CLPP: variants seen among roughly 807,000 people sequenced by gnomAD.
CLPP encodes the protein caseinolytic mitochondrial matrix peptidase proteolytic subunit.
CLPP carries 14 observed loss-of-function variants against 27.4 expected under a neutral mutation model. The ratio of observed to expected loss-of-function variants is 0.51; its 90% CI spans 0.34 to 0.80. The LOEUF is 0.80. CLPP is among the 30% of genes least tolerant of loss of function. The probability of loss-of-function intolerance (pLI) is 0.02; values close to 1 mark genes in which losing one functional copy is unlikely to be tolerated. For missense variants in CLPP, 361 were observed against 403.6 expected, an observed-to-expected ratio of 0.89 and a Z score of 0.90; for synonymous variants, 193 against 166.6, an observed-to-expected ratio of 1.16 and a Z score of -1.22.
chr19:6,361,827 G>T, intron 1 of CLPP, 42 bp from the exon 2 acceptor site: 1 of 1,441,500 alleles, frequency 6.9e-7, no homozygotes, highest in Non-Finnish European at 9.0e-7. Context: ...GTGGGGATCG[G>T]CTGGCTGCCC....
At chr19:6,362,244 G>A in intron 2 of CLPP, 2 of 569,206 alleles carry the variant, frequency 3.5e-6, no homozygotes, top group Non-Finnish European at 6.2e-6. Context: ...CTAGCCCCCT[G>A]ACTCCCCCCT....
chr19:6,362,009 C>T, intron 2 of CLPP, 69 bp downstream of exon 2: 5 of 1,410,920 alleles, frequency 3.5e-6, no homozygotes, highest in South Asian at 1.2e-5. Flanking sequence ...CTGCGCCCCT[C>T]CTTCCCTGGC....
At position 6,362,541 on chromosome 19, in the gene CLPP, T is replaced by C. The variant is rs984695973; in HGVS notation, c.366T>C (p.Pro122=). ...CCATCCACATGTACATCAACAGCCC[T>C]GGTGAGCAGGGTCTTTCCTGGGTGC... The part of the protein sequence containing the change: ...KKPIHMYINS[P]GGVVTAGLAI... The change falls in exon 3 of 6, where the codon CCT becomes CCC. Residue 122 remains proline (P), a splice_region_variant and synonymous_variant. Coordinates refer to ENST00000245816, the MANE Select transcript of CLPP (RefSeq NM_006012.4). 5 of 1,610,550 alleles carry C rather than the reference T, an allele frequency of 3.1e-6. No homozygotes were observed. The highest frequency in any genetic ancestry group is 4.2e-6 in the Non-Finnish European group (5 of 1,176,942).
Position 6,361,876 on chromosome 19 carries a change from G to T in CLPP, c.206G>T (p.Gly69Val). 1 of 1,598,590 alleles carries T rather than the reference G, an allele frequency of 6.3e-7. No individual in the cohort carries two copies. Among genetic ancestry groups the T allele is most frequent in the Non-Finnish European group, 8.5e-7 (1 of 1,179,384 alleles). ...CCATCTTTCTACCCCCAGGGTCGCG[G>T]CGAGCGCGCCTATGACATCTACTCG... ...IPIVVEQTGR[G>V]ERAYDIYSRL... The change falls in exon 2 of 6, where the codon GGC (glycine) becomes GTC (valine). Residue 69 changes from glycine (G) to valine (V), a missense_variant. Transcript: ENST00000245816.
At chr19:6,363,301 G>C (rs1035464808) in intron 3 of CLPP, among the ~76,000 whole-genome samples, 1 of 151,788 alleles carries the variant, frequency 6.6e-6, no homozygotes, top group African/African-American at 2.4e-5. Flanking sequence ...CTAATTTTTT[G>C]TATTTCGTAG....
chr19:6,364,727 G>A lies in CLPP; in HGVS notation c.555+88G>A, dbSNP rs2091853631. The A allele has an allele frequency of 1.3e-5, 17 of 1,279,220 alleles. No homozygotes were observed. In the East Asian group the frequency reaches 4.3e-4, roughly 32 times the overall value. 79.2% of individuals were successfully genotyped at this position (1,279,220 alleles called of 1,614,324 possible). A position where few individuals can be genotyped will look rare whatever the true frequency, so the allele number is the denominator to read the frequency against. ...CTGGGCGGAAGTCAAGCGTGGGAGG[G>A]GATGTTTTTTTTTTTTTTTGAGATG... On this transcript the variant is annotated intron_variant, in intron 4 of 5. Coordinates refer to ENST00000245816, the MANE Select transcript of CLPP (RefSeq NM_006012.4).
Position 6,361,605 on chromosome 19 carries a change from C to G in CLPP, c.31C>G (p.Arg11Gly). Residue 11 changes from arginine to glycine, a missense_variant, in exon 1 of 6, where the codon CGG (arginine) becomes GGG (glycine). Transcript: ENST00000245816. Reference protein sequence around the residue: MWPGILVGGARVASCRYPALG... With the variant: MWPGILVGGAGVASCRYPALG... Reference sequence around the variant, plus strand: ...GCCCGGAATATTGGTAGGGGGGGCCCGGGTGGCGTCATGCAGGTACCCCGC... The same window carrying G: ...GCCCGGAATATTGGTAGGGGGGGCCGGGGTGGCGTCATGCAGGTACCCCGC... 1 of 1,413,530 alleles carries G rather than the reference C, an allele frequency of 7.1e-7. No homozygotes were observed. The highest frequency in any genetic ancestry group is 9.2e-7 in the Non-Finnish European group (1 of 1,082,900). 87.6% of individuals were successfully genotyped at this position (1,413,530 alleles called of 1,614,324 possible). A position where few individuals can be genotyped will look rare whatever the true frequency, so the allele number is the denominator to read the frequency against.
rs1358222947 is a variant in CLPP at position 6,368,762 on chromosome 19, C to A, written c.*52C>A. ...GTGGAGGGGCCAGAGGCCTGCCAGA[C>A]CCCCAGCTGGGCCCTGCTCACCCCT... On this transcript the variant is annotated 3_prime_UTR_variant, in exon 6 of 6. Transcript: ENST00000245816. 3 of 1,507,736 alleles carry A rather than the reference C, an allele frequency of 2.0e-6. No homozygotes were observed. The African/African-American group carries it at 4.2e-5, about 21-fold the overall frequency. 93.4% of individuals were successfully genotyped at this position (1,507,736 alleles called of 1,614,324 possible). A position where few individuals can be genotyped will look rare whatever the true frequency, so the allele number is the denominator to read the frequency against.
chr19:6,368,929 C>T lies in CLPP; in HGVS notation c.*219C>T. 1.7e-6 allele frequency: 1 copy of T among 577,320 alleles called. No homozygotes were observed. Among genetic ancestry groups the T allele is most frequent in the Admixed American group, 3.1e-5 (1 of 32,660 alleles). The allele number at this position is 577,320 out of a possible 1,614,324, so 35.8% of individuals were successfully genotyped here. On this transcript the variant is annotated 3_prime_UTR_variant, in exon 6 of 6. Transcript: ENST00000245816. ...CTCTGCGTCTGGGACACCCTCCCTT[C>T]TGCACCATGACAGCGTGTACACATC...
intron 2 of CLPP, 83 bp from the exon 3 acceptor site, chr19:6,362,362 TG>T: frequency 1.1e-6 from 1 of 915,106 alleles, no homozygotes; most frequent in Non-Finnish European, 1.8e-6. Context: ...TCCCCCTTCC[TG>T]GTTCCCTGAC....
intron 4 of CLPP, among the ~76,000 whole-genome samples, chr19:6,365,660 A>G (rs925562502): frequency 6.6e-6 from 1 of 151,654 alleles, no homozygotes; most frequent in African/African-American, 2.4e-5. Flanking sequence ...ATCTCTACCA[A>G]ATATTTAAAA....
At chr19:6,364,279 C>G (rs182248653) in intron 3 of CLPP, among the ~76,000 whole-genome samples, 173 bp from the exon 4 acceptor site, 1 of 152,050 alleles carries the variant, frequency 6.6e-6, no homozygotes, top group Non-Finnish European at 1.5e-5. Flanking sequence ...ATCCGCCTGC[C>G]TCAGCCTCCC....
At chr19:6,367,145 G>C (rs1049383953) in intron 5 of CLPP, among the ~76,000 whole-genome samples, 2 of 151,938 alleles carry the variant, frequency 1.3e-5, no homozygotes, top group Admixed American at 1.3e-4. Context: ...GGGAGGCCGA[G>C]GTGGGCGGAT....
chr19:6,361,812 G>A lies in CLPP; in HGVS notation c.198+40G>A, dbSNP rs367866275. On this transcript the variant is annotated intron_variant, in intron 1 of 5. Coordinates refer to ENST00000245816, the MANE Select transcript of CLPP (RefSeq NM_006012.4). Reference sequence around the variant, plus strand: ...CGGGGACACGGTTCGGGGGCTCCGGGCTGGGTGGGGATCGGCTGGCTGCCC... The same window carrying A: ...CGGGGACACGGTTCGGGGGCTCCGGACTGGGTGGGGATCGGCTGGCTGCCC... 4 of 1,566,104 alleles carry A rather than the reference G, an allele frequency of 2.6e-6. No individual in the cohort carries two copies. In the African/African-American group the frequency reaches 5.9e-5, roughly 23 times the overall value.
At position 6,369,049 on chromosome 19, in the gene CLPP, G is replaced by C. The variant is rs1486683188; in HGVS notation, c.*339G>C. The C allele has an allele frequency of 4.2e-6, 1 of 235,462 alleles. No homozygotes were observed. Among genetic ancestry groups the C allele is most frequent in the Non-Finnish European group, 8.3e-6 (1 of 121,172 alleles). The allele number at this position is 235,462 out of a possible 1,614,324, so 14.6% of individuals were successfully genotyped here. The stretch of plus-strand genomic sequence containing the variant: ...TCTCCTGATCATATCCTATATTCCA[G>C]GCAGTGTTCTTTTGTGAAGAAGACA... On this transcript the variant is annotated 3_prime_UTR_variant, in exon 6 of 6. Transcript: ENST00000245816.
chr19:6,363,557 A>C (rs1243237984), intron 3 of CLPP, among the ~76,000 whole-genome samples: 1 of 151,518 alleles, frequency 6.6e-6, no homozygotes, highest in Non-Finnish European at 1.5e-5. Context: ...TGTTTTTGTC[A>C]CCTCCCAACC....
chr19:6,362,360 C>T, intron 2 of CLPP, 86 bp from the exon 3 acceptor site: 2 of 900,430 alleles, frequency 2.2e-6, no homozygotes, highest in Non-Finnish European at 3.7e-6. Context: ...GGTCCCCCTT[C>T]CTGGTTCCCT....
At chr19:6,366,199 T>C in intron 4 of CLPP, 59 bp from the exon 5 acceptor site, 1 of 1,216,858 alleles carries the variant, frequency 8.2e-7, no homozygotes, top group Non-Finnish European at 1.2e-6. Flanking sequence ...CCAGCCTCCC[T>C]GTGAGGGGCT....
In CLPP at chr19:6,364,356, G is replaced by T. The variant is rs945883447; in HGVS notation, c.368-96G>T. 2.6e-6 allele frequency: 3 copies of T among 1,140,472 alleles called. No homozygotes were observed. The East Asian group carries it at 7.8e-5, about 30-fold the overall frequency. The allele number at this position is 1,140,472 out of a possible 1,614,324, so 70.6% of individuals were successfully genotyped here. A position where few individuals can be genotyped will look rare whatever the true frequency, so the allele number is the denominator to read the frequency against. ...TATTAATTTTTAAAAAAGGAGGGGGGCTGCATCTGTTCCACCCTCCCCAGG... is the reference window on the plus strand; with the variant it reads ...TATTAATTTTTAAAAAAGGAGGGGGTCTGCATCTGTTCCACCCTCCCCAGG... On this transcript the variant is annotated intron_variant, in intron 3 of 5. Coordinates refer to ENST00000245816, the MANE Select transcript of CLPP (RefSeq NM_006012.4).
Sources: allele counts gnomAD v4.1 joint callset (sites outside exome capture counted in the v4.1 genomes callset), GRCh38; gene constraint gnomAD v4.1.1; transcripts MANE v1.5; gene names NCBI Gene and HGNC (gene_info 2026-07-23, HGNC 2026-07-21).